PRSS23: variants seen among roughly 807,000 people sequenced by gnomAD.
The protein encoded by PRSS23 is serine protease 23, also known as protease, serine 23.
PRSS23 carries 25 observed loss-of-function variants against 34.7 expected under a neutral mutation model. That is an observed-to-expected ratio of 0.72 (90% CI 0.53 to 1.01). PRSS23 has a LOEUF of 1.01. PRSS23 is among the 50% of genes least tolerant of loss of function. The pLI is 0.00. For synonymous variants in PRSS23, 176 were observed against 186.6 expected, an observed-to-expected ratio of 0.94 and a Z score of 0.46; for missense variants, 445 against 475.6, an observed-to-expected ratio of 0.94 and a Z score of 0.60.
intron 2 of PRSS23, among the ~76,000 whole-genome samples, chr11:86,896,799 T>C (rs1247818877): frequency 6.6e-6 from 1 of 152,254 alleles, no homozygotes; most frequent in African/African-American, 2.4e-5. Context: ...AAAAGCCCAA[T>C]GGCTCAGAGG....
chr11:86,837,917 C>T (rs1449513659), intron 2 of PRSS23, among the ~76,000 whole-genome samples: 1 of 152,148 alleles, frequency 6.6e-6, no homozygotes, highest in Non-Finnish European at 1.5e-5. Context: ...CCTGGTTCTT[C>T]TCATTGGGAC....
intron 2 of PRSS23, among the ~76,000 whole-genome samples, chr11:86,875,268 G>A (rs1041905135): frequency 1.3e-5 from 2 of 152,174 alleles, no homozygotes; most frequent in Admixed American, 6.5e-5. Context: ...CTACTCAGGA[G>A]GCTGAGGCAG....
At chr11:86,944,503 C>A (rs931906254) in intron 2 of PRSS23, among the ~76,000 whole-genome samples, 6 of 152,182 alleles carry the variant, frequency 3.9e-5, no homozygotes, top group Non-Finnish European at 5.9e-5. Context: ...GGAAGACCTG[C>A]TGACCAACCT....
chr11:86,914,454 G>C (rs112474101), intron 2 of PRSS23, among the ~76,000 whole-genome samples: 1 of 152,138 alleles, frequency 6.6e-6, no homozygotes, highest in African/African-American at 2.4e-5. Context: ...AGCATCCTAT[G>C]TCATAGATGC....
chr11:86,833,767 A>T (rs368408706), intron 2 of PRSS23, among the ~76,000 whole-genome samples: 38 of 152,144 alleles, frequency 2.5e-4, no homozygotes, highest in African/African-American at 8.2e-4. Flanking sequence ...AGGCTTAGGG[A>T]TTCTTAGTTG....
intron 1 of PRSS23, among the ~76,000 whole-genome samples, chr11:86,805,306 T>G (rs2135596785): frequency 6.6e-6 from 1 of 152,248 alleles, no homozygotes; most frequent in South Asian, 2.1e-4. Flanking sequence ...ACAGATCTCC[T>G]AAAGGGTTGT....
At chr11:86,938,327 G>C (rs1334154920) in intron 2 of PRSS23, among the ~76,000 whole-genome samples, 1 of 152,194 alleles carries the variant, frequency 6.6e-6, no homozygotes, top group South Asian at 2.1e-4. Flanking sequence ...GGCTCTGCTT[G>C]ATTGGATCAT....
At chr11:86,897,117 C>A (rs1226617032) in intron 2 of PRSS23, among the ~76,000 whole-genome samples, 1 of 152,182 alleles carries the variant, frequency 6.6e-6, no homozygotes, top group African/African-American at 2.4e-5. Context: ...TGTAGAGAGA[C>A]CTGAATTGAG....
chr11:86,875,346 G>A (rs1948715923), intron 2 of PRSS23, among the ~76,000 whole-genome samples: 1 of 152,206 alleles, frequency 6.6e-6, no homozygotes, highest in African/African-American at 2.4e-5. Context: ...ACTCCAGCCT[G>A]GGCAACAAGA....
At chr11:86,950,880 A>C in intron 2 of PRSS23, 1 of 533,552 alleles carries the variant, frequency 1.9e-6, no homozygotes, top group Non-Finnish European at 3.4e-6. Context: ...GCAACCTGCT[A>C]AAGTGATCAA....
Position 86,865,976 on chromosome 11 carries a change from T to G in PRSS23, c.206+42383T>G, listed in dbSNP as rs535189487. Among the ~76,000 whole-genome samples the G allele has an allele frequency of 3.9e-5, 6 of 152,326 alleles. No individual in the cohort carries two copies. In the East Asian group the frequency reaches 1.2e-3, roughly 29 times the overall value. On this transcript the variant is annotated intron_variant, in intron 2 of 2. Transcript: ENST00000533902. ...GGCATCAGTCATCATTTCTTCCATT[T>G]TACAGATGGGGATGTCTGGGAGTCA...
chr11:86,861,309 C>T (rs1206038997), intron 2 of PRSS23, among the ~76,000 whole-genome samples: 2 of 145,244 alleles, frequency 1.4e-5, no homozygotes, highest in African/African-American at 2.5e-5. Flanking sequence ...TATCCGGGGG[C>T]GGAGAGGGGC....
chr11:86,809,294 G>C lies in PRSS23; in HGVS notation c.*499G>C, dbSNP rs576333161. ...TTCCATAAGGCAGTGTTCCCATTTA[G>C]GAACTTTGACAGCATTTGTTAGGCA... is the stretch of plus-strand genomic sequence containing the variant. On this transcript the variant is annotated 3_prime_UTR_variant, in exon 2 of 2. Transcript: ENST00000280258. The C allele has an allele frequency of 6.0e-6, 1 of 167,362 alleles. No individual in the cohort carries two copies. Among genetic ancestry groups the C allele is most frequent in the African/African-American group, 2.4e-5 (1 of 41,464 alleles). 10.4% of individuals were successfully genotyped at this position (167,362 alleles called of 1,614,324 possible). A position where few individuals can be genotyped will look rare whatever the true frequency, so the allele number is the denominator to read the frequency against.
At chr11:86,877,145 A>G (rs961322040) in intron 2 of PRSS23, among the ~76,000 whole-genome samples, 8 of 152,176 alleles carry the variant, frequency 5.3e-5, no homozygotes, top group African/African-American at 1.9e-4. Context: ...TCAGCCCTCT[A>G]TTATGGCTTT....
intron 2 of PRSS23, among the ~76,000 whole-genome samples, chr11:86,905,077 C>CA (rs1164894910): frequency 6.6e-6 from 1 of 151,768 alleles, no homozygotes; most frequent in African/African-American, 2.4e-5. Context: ...AAAACAAAAA[C>CA]AAAAAAACCC....
chr11:86,796,797 TC>T (rs1947984379), upstream of PRSS23, among the ~76,000 whole-genome samples: 1 of 152,234 alleles, frequency 6.6e-6, no homozygotes, highest in Non-Finnish European at 1.5e-5. Flanking sequence ...TGGATATTTT[TC>T]TTCTTGTCTG....
chr11:86,858,173 C>T (rs1433370077), intron 2 of PRSS23, among the ~76,000 whole-genome samples: 1 of 151,950 alleles, frequency 6.6e-6, no homozygotes, highest in East Asian at 1.9e-4. Context: ...TGACATTTCT[C>T]CTAATATGGT....
At chr11:86,856,404 T>C (rs917717967) in intron 2 of PRSS23, among the ~76,000 whole-genome samples, 9 of 151,514 alleles carry the variant, frequency 5.9e-5, no homozygotes, top group African/African-American at 2.2e-4. Flanking sequence ...GGCCTCATCA[T>C]GTCTAAGCTC....
chr11:86,798,425 T>G (rs1947995951), upstream of PRSS23, among the ~76,000 whole-genome samples: 1 of 151,978 alleles, frequency 6.6e-6, no homozygotes, highest in African/African-American at 2.4e-5. Context: ...TGACATATGG[T>G]GTGGGCAAAG....
Sources: gnomAD v4.1 joint callset for allele counts (sites outside exome capture counted in the v4.1 genomes callset) on GRCh38, gnomAD v4.1.1 for gene constraint, MANE v1.5 for transcripts, NCBI Gene and HGNC (gene_info 2026-07-23, HGNC 2026-07-21) for gene names.